Variants in PDE8B observed in about 807,000 individuals in gnomAD.
The protein encoded by PDE8B is high affinity cAMP-specific and IBMX-insensitive 3',5'-cyclic phosphodiesterase 8B.
In PDE8B, 26 loss-of-function variants were observed where a neutral mutation model predicts 101.3. The ratio of observed to expected loss-of-function variants is 0.26; its 90% CI spans 0.19 to 0.36. The LOEUF is 0.36. Among genes scored for constraint, PDE8B ranks in the 10% least tolerant of loss-of-function variants. The probability of loss-of-function intolerance (pLI) is 1.00; values close to 1 mark genes in which losing one functional copy is unlikely to be tolerated. For synonymous variants in PDE8B, 424 were observed against 429.3 expected, an observed-to-expected ratio of 0.99 and a Z score of 0.15; for missense variants, 810 against 1,163.1, an observed-to-expected ratio of 0.70 and a Z score of 4.42.
chr5:77,108,956 A>G, the PDE8B span, among the ~76,000 whole-genome samples: 10 of 152,146 alleles, frequency 6.6e-5, no homozygotes, highest in Admixed American at 2.6e-4. Context: ...CATTGGTAAG[A>G]TGGAGTCTGT....
At chr5:77,411,945 G>A (rs963604554) in intron 15 of PDE8B, among the ~76,000 whole-genome samples, 155 bp from the exon 16 acceptor site, 11 of 152,178 alleles carry the variant, frequency 7.2e-5, no homozygotes, top group African/African-American at 2.4e-4. Context: ...GAGTTAAAGT[G>A]AATTATTTTT....
At chr5:77,345,748 C>T (rs1780022776) in intron 7 of PDE8B, among the ~76,000 whole-genome samples, 1 of 152,172 alleles carries the variant, frequency 6.6e-6, no homozygotes, top group Non-Finnish European at 1.5e-5. Context: ...TATAGACTTT[C>T]CACGAATTGG....
At chr5:77,255,561 C>T (rs1758948866) in intron 1 of PDE8B, among the ~76,000 whole-genome samples, 1 of 152,242 alleles carries the variant, frequency 6.6e-6, no homozygotes, top group Non-Finnish European at 1.5e-5. Context: ...CCCAGCAACA[C>T]TTACTCCTCA....
the PDE8B span, among the ~76,000 whole-genome samples, chr5:77,159,260 T>C: frequency 6.6e-6 from 1 of 152,228 alleles, no homozygotes; most frequent in Admixed American, 6.5e-5. Flanking sequence ...GTATTGATTC[T>C]GGGTGTGTCT....
At chr5:77,381,068 G>A (rs60753197) in intron 10 of PDE8B, among the ~76,000 whole-genome samples, 25,810 of 152,130 alleles carry the variant, frequency 0.17, 2,239 homozygotes, top group East Asian at 0.29. Context: ...AGAGTGGTGG[G>A]GATCAGAGGT....
intron 10 of PDE8B, among the ~76,000 whole-genome samples, chr5:77,395,727 C>T (rs575232264): frequency 1.6e-4 from 23 of 144,990 alleles, no homozygotes; most frequent in South Asian, 9.6e-4. Context: ...GTCCCTCCTA[C>T]CCCACCCCCA....
chr5:77,114,718 A>G, the PDE8B span: 2 of 152,266 alleles, frequency 1.3e-5, no homozygotes, highest in South Asian at 4.1e-4. Context: ...AAGTTAAAAA[A>G]ATAAAATCCA....
intron 1 of PDE8B, among the ~76,000 whole-genome samples, chr5:77,257,822 C>G (rs1201360625): frequency 3.9e-5 from 6 of 152,174 alleles, no homozygotes; most frequent in Non-Finnish European, 8.8e-5. Context: ...TCTCCCTCCC[C>G]CATCCCCAAC....
At chr5:77,095,790 A>T in the PDE8B span, among the ~76,000 whole-genome samples, 1 of 152,140 alleles carries the variant, frequency 6.6e-6, no homozygotes, top group African/African-American at 2.4e-5. Flanking sequence ...TGATTTTACC[A>T]TTCTTCTCCC....
intron 1 of PDE8B, among the ~76,000 whole-genome samples, chr5:77,248,993 T>C (rs569313846): frequency 6.6e-6 from 1 of 152,350 alleles, no homozygotes; most frequent in African/African-American, 2.4e-5. Flanking sequence ...ACCTTGGACT[T>C]GCTAGCCTTT....
intron 1 of PDE8B, among the ~76,000 whole-genome samples, chr5:77,263,558 C>A (rs1761063911): frequency 6.6e-6 from 1 of 152,106 alleles, no homozygotes; most frequent in Non-Finnish European, 1.5e-5. Flanking sequence ...GTTTCCTTCC[C>A]CTACCCATCA....
At chr5:77,425,651 TTCA>T in intron 20 of PDE8B, 113 bp from the exon 21 acceptor site, 1 of 1,059,334 alleles carries the variant, frequency 9.4e-7, no homozygotes, top group Non-Finnish European at 1.5e-6. Context: ...AGCCTATTTC[TTCA>T]TTGAGAAAAC....
chr5:77,114,933 T>A, the PDE8B span: 1 of 152,238 alleles, frequency 6.6e-6, no homozygotes, highest in Admixed American at 6.5e-5. Flanking sequence ...ACATAACTCA[T>A]TAATGTTTTT....
chr5:77,181,999 G>A, the PDE8B span, among the ~76,000 whole-genome samples: 1 of 151,902 alleles, frequency 6.6e-6, no homozygotes, highest in African/African-American at 2.4e-5. Flanking sequence ...TTTCCAAGAA[G>A]CAAAAACAGA....
chr5:77,155,445 C>G, the PDE8B span, among the ~76,000 whole-genome samples: 1 of 152,180 alleles, frequency 6.6e-6, no homozygotes, highest in Non-Finnish European at 1.5e-5. Flanking sequence ...GACCAGAGAG[C>G]TTTGTTAAAA....
chr5:77,399,593 C>G (rs1403241816), intron 10 of PDE8B, among the ~76,000 whole-genome samples: 4 of 152,162 alleles, frequency 2.6e-5, no homozygotes, highest in African/African-American at 9.7e-5. Context: ...ACAAGAAATG[C>G]AGGATCCCAA....
chr5:77,346,287 A>C (rs538030591), intron 7 of PDE8B, among the ~76,000 whole-genome samples: 1 of 152,272 alleles, frequency 6.6e-6, no homozygotes, highest in East Asian at 1.9e-4. Flanking sequence ...AGAGAGCCAG[A>C]CGTGTTTCTG....
chr5:77,341,513 CATAGTTAGAGAAA>C (rs1401778016), intron 6 of PDE8B, among the ~76,000 whole-genome samples: 1 of 152,144 alleles, frequency 6.6e-6, no homozygotes, highest in Non-Finnish European at 1.5e-5. Flanking sequence ...AACCTGTTTA[CATAGTTAGAGAAA>C]ATACTTAGGC....
At chr5:77,311,944 A>G (rs1007521210) in intron 1 of PDE8B, 50 bp from the exon 2 acceptor site, 2 of 1,401,836 alleles carry the variant, frequency 1.4e-6, no homozygotes, top group Non-Finnish European at 2.0e-6. Context: ...GGATGTATCC[A>G]TTTGTGTAGT....
Sources: allele counts gnomAD v4.1 joint callset (sites outside exome capture counted in the v4.1 genomes callset), GRCh38; gene constraint gnomAD v4.1.1; transcripts MANE v1.5; gene names NCBI Gene and HGNC (gene_info 2026-07-23, HGNC 2026-07-21).